Variants in SLC9A8 observed in about 807,000 individuals in gnomAD.
SLC9A8 encodes the protein solute carrier family 9 member A8, also known as sodium/hydrogen exchanger 8.
In SLC9A8, 48 loss-of-function variants were observed where a neutral mutation model predicts 66.6. The observed-to-expected ratio is 0.72, with a 90% CI of 0.57 to 0.92. The LOEUF is 0.92. Among genes scored for constraint, SLC9A8 ranks in the 40% least tolerant of loss-of-function variants. SLC9A8 has a pLI of 0.00. For missense variants in SLC9A8, 599 were observed against 747.3 expected, an observed-to-expected ratio of 0.80 and a Z score of 2.31; for synonymous variants, 274 against 282.6, an observed-to-expected ratio of 0.97 and a Z score of 0.31.
chr20:49,836,883 A>G lies in SLC9A8; in HGVS notation c.290-2658A>G, dbSNP rs182929309. On this transcript the variant is annotated intron_variant, in intron 3 of 15. Coordinates refer to ENST00000361573, the MANE Select transcript of SLC9A8 (RefSeq NM_015266.3). ...AATTATAACTGTGAAAGGAAGACAA[A>G]TCTTGGGACCCTAAAATCACTAAGC... Among the ~76,000 whole-genome samples, 218 of 152,300 alleles carry G rather than the reference A, an allele frequency of 1.4e-3. 3 individuals carry two copies. In the South Asian group the frequency reaches 0.028, roughly 19 times the overall value.
At chr20:49,824,123 C>T (rs1446545972) in intron 3 of SLC9A8, among the ~76,000 whole-genome samples, 1 of 152,192 alleles carries the variant, frequency 6.6e-6, no homozygotes, top group Non-Finnish European at 1.5e-5. Flanking sequence ...GTACTAAGTG[C>T]CAGATCCTGG....
At chr20:49,850,925 G>A (rs1421199517) in intron 7 of SLC9A8, 81 bp downstream of exon 7, 5 of 1,013,558 alleles carry the variant, frequency 4.9e-6, no homozygotes, top group African/African-American at 3.2e-5. Context: ...CCTGGGTGTG[G>A]TACTGTTCTA....
chr20:49,864,892 T>A, intron 10 of SLC9A8, 48 bp downstream of exon 10: 1 of 1,245,316 alleles, frequency 8.0e-7, no homozygotes, highest in Non-Finnish European at 1.2e-6. Flanking sequence ...CATCTTGTCC[T>A]GCCTGGGGAA....
intron 3 of SLC9A8, among the ~76,000 whole-genome samples, chr20:49,832,105 C>T (rs1241160687): frequency 6.6e-6 from 1 of 152,180 alleles, no homozygotes; most frequent in African/African-American, 2.4e-5. Flanking sequence ...ATTCTCCAGC[C>T]TGCCCTGCCA....
intron 4 of SLC9A8, among the ~76,000 whole-genome samples, chr20:49,842,424 T>G (rs1568826593): frequency 6.6e-6 from 1 of 152,158 alleles, no homozygotes; most frequent in Non-Finnish European, 1.5e-5. Context: ...CTAATATTGT[T>G]TTGTAAACAT....
Position 49,884,338 on chromosome 20 carries a change from C to CACACACA in SLC9A8, c.1491+272_1491+273insACACACA, listed in dbSNP as rs1600823664. Reference sequence around the variant, plus strand: ...CACACACACACACACACACACACACCCCCCGGTCATCCCCCCTGAGAAGGA... The same window carrying CACACACA: ...CACACACACACACACACACACACACCACACACACCCCGGTCATCCCCCCTGAGAAGGA... On this transcript the variant is annotated intron_variant, in intron 14 of 15. Coordinates refer to ENST00000361573, the MANE Select transcript of SLC9A8 (RefSeq NM_015266.3). Among the ~76,000 whole-genome samples, 296 of 44,590 alleles carry CACACACA rather than the reference C, an allele frequency of 6.6e-3. 102 individuals carry two copies. The highest frequency in any genetic ancestry group is 0.012 in the Middle Eastern group (1 of 82). 29.3% of individuals were successfully genotyped at this position (44,590 alleles called of 152,430 possible). A position where few individuals can be genotyped will look rare whatever the true frequency, so the allele number is the denominator to read the frequency against.
chr20:49,869,469 G>T (rs903957638), intron 10 of SLC9A8, among the ~76,000 whole-genome samples: 3 of 150,270 alleles, frequency 2.0e-5, no homozygotes, highest in Non-Finnish European at 4.5e-5. Context: ...TGATCTGTCC[G>T]CCTCGGCCTC....
intron 4 of SLC9A8, among the ~76,000 whole-genome samples, chr20:49,840,951 TA>T: frequency 7.0e-6 from 1 of 142,774 alleles, no homozygotes; most frequent in Non-Finnish European, 1.5e-5. Flanking sequence ...ACTCCGTCTC[TA>T]AAAAAATACA....
At chr20:49,823,326 G>A (rs2086808468) in intron 3 of SLC9A8, among the ~76,000 whole-genome samples, 185 bp downstream of exon 3, 1 of 152,142 alleles carries the variant, frequency 6.6e-6, no homozygotes, top group South Asian at 2.1e-4. Flanking sequence ...GGCTCAAGAA[G>A]GGTAGTGACC....
intron 8 of SLC9A8, among the ~76,000 whole-genome samples, chr20:49,857,663 A>G (rs2235620): frequency 0.45 from 68,834 of 152,040 alleles, 16,213 homozygotes; most frequent in African/African-American, 0.58. Flanking sequence ...GGTTGAAGTG[A>G]GCCAAACTCA....
In SLC9A8 at chr20:49,839,536, T is replaced by C. The variant is rs780542217; in HGVS notation, c.290-5T>C. ...TTATGTTAAAGTTTACATTTTCTCTTGTAGGTATTCTCATGGGAGCAGTTA... is the reference window on the plus strand; with the variant it reads ...TTATGTTAAAGTTTACATTTTCTCTCGTAGGTATTCTCATGGGAGCAGTTA... On this transcript the variant is annotated splice_polypyrimidine_tract_variant and splice_region_variant and intron_variant, in intron 3 of 15. Transcript: ENST00000361573. 6.6e-7 allele frequency: 1 copy of C among 1,519,292 alleles called. No individual in the cohort carries two copies. Among genetic ancestry groups the C allele is most frequent in the Non-Finnish European group, 9.1e-7 (1 of 1,099,702 alleles). The allele number at this position is 1,519,292 out of a possible 1,614,324, so 94.1% of individuals were successfully genotyped here.
chr20:49,856,397 A>AGGT (rs1443193045), intron 8 of SLC9A8, among the ~76,000 whole-genome samples: 1 of 152,226 alleles, frequency 6.6e-6, no homozygotes, highest in African/African-American at 2.4e-5. Context: ...GAATGCTGAT[A>AGGT]GGTGCCCTGC....
chr20:49,856,008 G>A (rs2088465545), intron 8 of SLC9A8, among the ~76,000 whole-genome samples: 1 of 152,192 alleles, frequency 6.6e-6, no homozygotes, highest in African/African-American at 2.4e-5. Context: ...GCCCAGGCTT[G>A]TCTTGAACCC....
At chr20:49,869,407 A>G (rs1343989326) in intron 10 of SLC9A8, among the ~76,000 whole-genome samples, 3 of 151,530 alleles carry the variant, frequency 2.0e-5, no homozygotes, top group African/African-American at 7.3e-5. Flanking sequence ...TATTTTTAGT[A>G]GAGACAGGGT....
At position 49,863,121 on chromosome 20, in the gene SLC9A8, T is replaced by G. The variant is rs2088816193; in HGVS notation, c.852+54T>G. On this transcript the variant is annotated intron_variant, in intron 9 of 15. Transcript: ENST00000361573. ...GGTTAAAATTATTCCTGATAACTTC[T>G]GTCTCTAGCCAGTTTCTCCTGTTTT... The G allele has an allele frequency of 2.0e-6, 3 of 1,505,344 alleles. No individual in the cohort carries two copies. In the East Asian group the frequency reaches 7.2e-5, roughly 36 times the overall value. 93.2% of individuals were successfully genotyped at this position (1,505,344 alleles called of 1,614,324 possible). A position where few individuals can be genotyped will look rare whatever the true frequency, so the allele number is the denominator to read the frequency against.
rs1382251625 is a variant in SLC9A8, at chr20:49,887,019, C to T, written c.1638+121C>T. 16 of 1,109,166 alleles carry T rather than the reference C, an allele frequency of 1.4e-5. No homozygotes were observed. The Admixed American group carries it at 3.8e-4, about 26-fold the overall frequency. 68.7% of individuals were successfully genotyped at this position (1,109,166 alleles called of 1,614,324 possible). ...GGCAGGAAAGCTCACGTGGGCCCGC[C>T]AGGCCGCCGCCTCCCGATCTGGAGG... On this transcript the variant is annotated intron_variant, in intron 15 of 15. Transcript: ENST00000361573.
intron 12 of SLC9A8, among the ~76,000 whole-genome samples, chr20:49,879,382 TC>T (rs1296047018): frequency 6.6e-6 from 1 of 152,228 alleles, no homozygotes; most frequent in Non-Finnish European, 1.5e-5. Context: ...ACCAATTACT[TC>T]ATCTCTCTAT....
chr20:49,884,336 A>ACACACACACACACACC (rs1568884621), intron 14 of SLC9A8, among the ~76,000 whole-genome samples: 7 of 108,526 alleles, frequency 6.5e-5, no homozygotes, highest in Non-Finnish European at 1.2e-4. Context: ...ACACACACAC[A>ACACACACACACACACC]CCCCCCGGTC....
intron 2 of SLC9A8, chr20:49,815,428 A>G (rs1301720853): frequency 2.8e-6 from 1 of 361,532 alleles, no homozygotes; most frequent in Non-Finnish European, 4.9e-6. Flanking sequence ...GGCCTTTGAA[A>G]GAAGGATTAA....
Sources: allele counts gnomAD v4.1 joint callset (sites outside exome capture counted in the v4.1 genomes callset), GRCh38; gene constraint gnomAD v4.1.1; transcripts MANE v1.5; gene names NCBI Gene and HGNC (gene_info 2026-07-23, HGNC 2026-07-21).